The following LRRC7 variants were observed in gnomAD, a reference collection of about 807,000 sequenced individuals.
LRRC7 encodes leucine rich repeat containing 7, also known as leucine-rich repeat-containing protein 7.
In LRRC7, 23 loss-of-function variants were observed where a neutral mutation model predicts 175.7. That is an observed-to-expected ratio of 0.13 (90% CI 0.09 to 0.19). The LOEUF (loss-of-function observed/expected upper bound fraction) is 0.19, where lower values mean the gene tolerates loss of function less well. Among genes scored for constraint, LRRC7 ranks in the 10% least tolerant of loss-of-function variants. The pLI, the probability that LRRC7 is intolerant of heterozygous loss-of-function variation, is 1.00. For synonymous variants in LRRC7, 685 were observed against 680.9 expected, an observed-to-expected ratio of 1.01 and a Z score of -0.09; for missense variants, 1,354 against 1,904.7, an observed-to-expected ratio of 0.71 and a Z score of 5.38.
intron 26 of LRRC7, among the ~76,000 whole-genome samples, chr1:70,109,258 G>A (rs1349895114): frequency 7.9e-5 from 12 of 152,108 alleles, no homozygotes. Flanking sequence ...CCAACCTCAG[G>A]TGGTCTGCCC....
At chr1:69,608,175 T>A (rs1169535281) in intron 1 of LRRC7, 1 of 152,402 alleles carries the variant, frequency 6.6e-6, no homozygotes, top group African/African-American at 2.4e-5. Flanking sequence ...CAAGTGTCGG[T>A]GATTATTTAG....
chr1:69,645,659 C>A (rs1654902654), intron 1 of LRRC7, among the ~76,000 whole-genome samples: 3 of 152,060 alleles, frequency 2.0e-5, no homozygotes, highest in Non-Finnish European at 2.9e-5. Context: ...TTAGCGACTA[C>A]ACAATACTGC....
In LRRC7 at chr1:69,933,767, G is replaced by A. The variant is rs570889367; in HGVS notation, c.711+2197G>A. On this transcript the variant is annotated intron_variant, in intron 8 of 26. Coordinates refer to ENST00000651989, the MANE Select transcript of LRRC7 (RefSeq NM_001370785.2). The stretch of plus-strand genomic sequence containing the variant: ...AGATTTGGGTCAACAATGATGAAAA[G>A]GGTGGGTTTATTTTTCAAAACTAGT... Among the ~76,000 whole-genome samples the A allele has an allele frequency of 3.1e-3, 473 of 152,192 alleles. 2 individuals carry two copies. The highest frequency in any genetic ancestry group is 5.5e-3 in the Non-Finnish European group (377 of 67,990).
intron 2 of LRRC7, among the ~76,000 whole-genome samples, chr1:69,692,303 C>G (rs866675451): frequency 6.6e-6 from 1 of 152,156 alleles, no homozygotes; most frequent in Non-Finnish European, 1.5e-5. Flanking sequence ...CACTTCCTAA[C>G]GGAGTTAGAA....
Position 70,137,707 on chromosome 1 carries a change from T to C in LRRC7, c.*15820T>C, listed in dbSNP as rs922072217. Among the ~76,000 whole-genome samples, 2 of 152,248 alleles carry C rather than the reference T, an allele frequency of 1.3e-5. No individual in the cohort carries two copies. Among genetic ancestry groups the C allele is most frequent in the African/African-American group, 4.8e-5 (2 of 41,462 alleles). On this transcript the variant is annotated 3_prime_UTR_variant, in exon 27 of 27. Transcript: ENST00000651989. ...AGACATAGATCAAGTCTCATGCATGTCATTTAGACAGACAGCTGAAATGCT... is the reference window on the plus strand; with the variant it reads ...AGACATAGATCAAGTCTCATGCATGCCATTTAGACAGACAGCTGAAATGCT...
chr1:69,925,243 A>T (rs1018907058), intron 7 of LRRC7, among the ~76,000 whole-genome samples: 1 of 152,034 alleles, frequency 6.6e-6, no homozygotes, highest in Non-Finnish European at 1.5e-5. Flanking sequence ...TTCATCAAGG[A>T]TATTGGTCTG....
intron 2 of LRRC7, among the ~76,000 whole-genome samples, chr1:69,717,766 G>C (rs1037818950): frequency 1.9e-5 from 1 of 53,422 alleles, no homozygotes; most frequent in Admixed American, 2.4e-4. Context: ...ATGAAAAAAA[G>C]AAAAAAAGAA....
chr1:69,759,625 T>A (rs756818953), intron 2 of LRRC7, among the ~76,000 whole-genome samples: 1 of 151,958 alleles, frequency 6.6e-6, no homozygotes, highest in Non-Finnish European at 1.5e-5. Context: ...GAAAACAGGG[T>A]CTTTGTTCAA....
chr1:70,038,914 C>T lies in LRRC7; in HGVS notation c.3090C>T (p.Ser1030=). 2 of 1,613,934 alleles carry T rather than the reference C, an allele frequency of 1.2e-6. No individual in the cohort carries two copies. Among genetic ancestry groups the T allele is most frequent in the Non-Finnish European group, 1.7e-6 (2 of 1,179,968 alleles). ...TGCTGGGACCAGAGCATGGTATGTCCAGTATGTCTCGAAGCCAGTCAGTCC... is the reference window on the plus strand; with the variant it reads ...TGCTGGGACCAGAGCATGGTATGTCTAGTATGTCTCGAAGCCAGTCAGTCC... ...DKMLGPEHGM[S]SMSRSQSVPM... Residue 1030 remains serine, a synonymous_variant, in exon 21 of 27, where the codon TCC becomes TCT. Transcript: ENST00000651989.
chr1:69,736,751 G>GCCCC (rs1668158867), intron 2 of LRRC7, among the ~76,000 whole-genome samples: 2 of 152,038 alleles, frequency 1.3e-5, no homozygotes, highest in Admixed American at 1.3e-4. Context: ...CCAGGCTGCG[G>GCCCC]GTTCTTTCTC....
chr1:70,125,735 T>C lies in LRRC7; in HGVS notation c.*3848T>C, dbSNP rs1287261134. On this transcript the variant is annotated 3_prime_UTR_variant, in exon 27 of 27. Coordinates refer to ENST00000651989, the MANE Select transcript of LRRC7 (RefSeq NM_001370785.2). ...TGAACCCAGGAGGCGGAGCTTGCAG[T>C]GAGCCGAGATCCCGCCACTGCACTC... 6.4e-4 allele frequency among the ~76,000 whole-genome samples: 78 copies of C among 122,380 alleles called. 2 individuals are homozygous for C. The South Asian group carries it at 0.02, about 31-fold the overall frequency. The allele number at this position is 122,380 out of a possible 152,430, so 80.3% of individuals were successfully genotyped here.
At chr1:69,940,423 C>T (rs1362222861) in intron 8 of LRRC7, among the ~76,000 whole-genome samples, 1 of 152,030 alleles carries the variant, frequency 6.6e-6, no homozygotes, top group African/African-American at 2.4e-5. Flanking sequence ...GCTCGGTTTG[C>T]GTTTCCATAA....
At chr1:70,061,570 A>G (rs950418187) in intron 23 of LRRC7, among the ~76,000 whole-genome samples, 3 of 152,184 alleles carry the variant, frequency 2.0e-5, no homozygotes, top group Non-Finnish European at 4.4e-5. Flanking sequence ...ATTAAATCAT[A>G]TAATTATAAT....
At chr1:69,939,035 A>ATATATATC (rs1553178500) in intron 8 of LRRC7, among the ~76,000 whole-genome samples, 18 of 97,622 alleles carry the variant, frequency 1.8e-4, no homozygotes, top group African/African-American at 6.4e-4. Flanking sequence ...ATATATCTAT[A>ATATATATC]TATATCTATA....
At chr1:69,941,654 TAAAA>T (rs962966234) in intron 8 of LRRC7, among the ~76,000 whole-genome samples, 1 of 151,534 alleles carries the variant, frequency 6.6e-6, no homozygotes, top group African/African-American at 2.4e-5. Context: ...TTATTCAGAA[TAAAA>T]AAAAGAAACT....
At chr1:70,120,959 A>G (rs1023657000) in intron 26 of LRRC7, among the ~76,000 whole-genome samples, 2 of 152,066 alleles carry the variant, frequency 1.3e-5, no homozygotes, top group Non-Finnish European at 2.9e-5. Context: ...AATCAAGACA[A>G]TCTGCAACTT....
At chr1:69,656,519 T>A (rs564550468) in intron 1 of LRRC7, among the ~76,000 whole-genome samples, 16 of 152,122 alleles carry the variant, frequency 1.1e-4, no homozygotes, top group African/African-American at 3.6e-4. Context: ...TTCCAGTATG[T>A]GGAATGGTAA....
At chr1:70,116,170 G>A (rs1176920203) in intron 26 of LRRC7, among the ~76,000 whole-genome samples, 1 of 152,180 alleles carries the variant, frequency 6.6e-6, no homozygotes, top group African/African-American at 2.4e-5. Context: ...GTCTTCAGTT[G>A]AGTATATTCT....
At chr1:69,807,782 T>A (rs899135848) in intron 4 of LRRC7, among the ~76,000 whole-genome samples, 1 of 151,992 alleles carries the variant, frequency 6.6e-6, no homozygotes, top group Non-Finnish European at 1.5e-5. Flanking sequence ...GTCTTGGGGT[T>A]GCTCTTCTCG....
Sources: gnomAD v4.1 joint callset for allele counts (sites outside exome capture counted in the v4.1 genomes callset) on GRCh38, gnomAD v4.1.1 for gene constraint, MANE v1.5 for transcripts, NCBI Gene and HGNC (gene_info 2026-07-23, HGNC 2026-07-21) for gene names.